The following CCDC80 variants were observed in gnomAD, a reference collection of about 807,000 sequenced individuals.
The protein encoded by CCDC80 is coiled-coil domain containing 80, also known as coiled-coil domain-containing protein 80.
CCDC80 carries 49 observed loss-of-function variants against 78.7 expected under a neutral mutation model. That is an observed-to-expected ratio of 0.62 (90% CI 0.50 to 0.79). The LOEUF (loss-of-function observed/expected upper bound fraction) is 0.79, where lower values mean the gene tolerates loss of function less well. CCDC80 is among the 30% of genes least tolerant of loss of function. The pLI is 0.00. For missense variants in CCDC80, 1,205 were observed against 1,198.6 expected (o/e 1.01, Z -0.08); for synonymous variants, 488 against 447.0 (o/e 1.09, Z -1.16).
intron 2 of CCDC80, among the ~76,000 whole-genome samples, chr3:112,635,408 T>A (rs1936187009): frequency 6.6e-6 from 1 of 152,204 alleles, no homozygotes; most frequent in African/African-American, 2.4e-5. Context: ...CACTAAGCCT[T>A]AATGAATAGT....
At chr3:112,614,666 G>A (rs1935696323) in intron 5 of CCDC80, among the ~76,000 whole-genome samples, 1 of 152,110 alleles carries the variant, frequency 6.6e-6, no homozygotes, top group African/African-American at 2.4e-5. Flanking sequence ...TTTGGATGAA[G>A]GAAGAGCCTT....
At position 112,605,426 on chromosome 3, in the gene CCDC80, G is replaced by T. The variant is rs1476161142; in HGVS notation, c.2844C>A (p.Tyr948Ter). 2.5e-6 allele frequency: 4 copies of T among 1,611,300 alleles called. No homozygotes were observed. In the Admixed American group the frequency reaches 6.7e-5, roughly 27 times the overall value. ...YRHHESYHHG[Y>*]PY The stretch of plus-strand genomic sequence containing the variant: ...GGTTACATATTTCTGCTCAGTAAGG[G>T]TATCCATGGTGATAACTCTCATGAT... Residue 948 changes from tyrosine (Y) to a stop codon, truncating the protein, a stop_gained, in exon 8 of 8, where the codon TAC becomes TAA. Coordinates refer to ENST00000206423, the MANE Select transcript of CCDC80 (RefSeq NM_199511.3). LOFTEE classifies it high-confidence loss of function.
In CCDC80 at chr3:112,602,318, A is replaced by G. The variant is rs948391057; in HGVS notation, c.*3099T>C. 1 of 152,142 alleles carries G rather than the reference A, an allele frequency of 6.6e-6. No homozygotes were observed. The highest frequency in any genetic ancestry group is 1.5e-5 in the Non-Finnish European group (1 of 68,010). The allele number at this position is 152,142 out of a possible 1,614,324, so 9.4% of individuals were successfully genotyped here. A position where few individuals can be genotyped will look rare whatever the true frequency, so the allele number is the denominator to read the frequency against. On this transcript the variant is annotated 3_prime_UTR_variant, in exon 8 of 8. Coordinates refer to ENST00000206423, the MANE Select transcript of CCDC80 (RefSeq NM_199511.3). The stretch of plus-strand genomic sequence containing the variant: ...GCCTCCTTAGTCCCTGAGACACAAT[A>G]TTGAAAGTAGATCAATTAATAACCC...
rs1935403966 is a variant in CCDC80 at position 112,603,116 on chromosome 3, A to G, written c.*2301T>C. 6.6e-6 allele frequency: 1 copy of G among 152,222 alleles called. No individual in the cohort carries two copies. The highest frequency in any genetic ancestry group is 2.4e-5 in the African/African-American group (1 of 41,444). The allele number at this position is 152,222 out of a possible 1,614,324, so 9.4% of individuals were successfully genotyped here. A position where few individuals can be genotyped will look rare whatever the true frequency, so the allele number is the denominator to read the frequency against. On this transcript the variant is annotated 3_prime_UTR_variant, in exon 8 of 8. Transcript: ENST00000206423. Reference sequence around the variant, plus strand: ...GCTAAATCTAATCTGCCTGTGCTCTATAAATGGAGCAACAAAGCCTGAATG... The same window carrying G: ...GCTAAATCTAATCTGCCTGTGCTCTGTAAATGGAGCAACAAAGCCTGAATG...
Position 112,639,434 on chromosome 3 carries a change from G to A in CCDC80, c.472C>T (p.His158Tyr), listed in dbSNP as rs569959733. The A allele has an allele frequency of 6.2e-7, 1 of 1,614,046 alleles. No homozygotes were observed. The highest frequency in any genetic ancestry group is 1.3e-5 in the African/African-American group (1 of 74,904). Residue 158 changes from histidine to tyrosine, a missense_variant, in exon 2 of 8, where the codon CAT (histidine) becomes TAT (tyrosine). Physicochemically the swap from His to Tyr is moderately conservative, Grantham distance 83. Coordinates refer to ENST00000206423, the MANE Select transcript of CCDC80 (RefSeq NM_199511.3). ...AGGCGGTAGTAGCCTTCCGAGGCAT[G>A]AGGGGCTGAGATGACCCATACTCTG... ...KNRVWVISAP[H>Y]ASEGYYRLMM...
At chr3:112,629,458 G>A (rs191731720) in intron 3 of CCDC80, among the ~76,000 whole-genome samples, 4 of 152,218 alleles carry the variant, frequency 2.6e-5, no homozygotes, top group South Asian at 4.1e-4. Context: ...ATCTTGCAAC[G>A]TTCCCAGGAG....
At position 112,638,941 on chromosome 3, in the gene CCDC80, G is replaced by A. The variant is rs985710918; in HGVS notation, c.965C>T (p.Pro322Leu). Reference sequence around the variant, plus strand: ...GACCTTCACCCGACTCTCTCTGGTTGGTGGGACTTGTGCTCTCCTTGGGTC... The same window carrying A: ...GACCTTCACCCGACTCTCTCTGGTTAGTGGGACTTGTGCTCTCCTTGGGTC... The part of the protein sequence containing the change: ...KEDPRRAQVP[P>L]TRESRVKVLR... Residue 322 changes from proline to leucine, a missense_variant, in exon 2 of 8, where the codon CCA becomes CTA. By Grantham distance (98) the Pro-to-Leu change is moderately conservative. Coordinates refer to ENST00000206423, the MANE Select transcript of CCDC80 (RefSeq NM_199511.3). The A allele has an allele frequency of 1.2e-6, 2 of 1,613,146 alleles. No individual in the cohort carries two copies. Among genetic ancestry groups the A allele is most frequent in the South Asian group, 2.2e-5 (2 of 91,080 alleles).
intron 5 of CCDC80, among the ~76,000 whole-genome samples, chr3:112,611,934 G>A (rs931720729): frequency 1.3e-5 from 2 of 152,062 alleles, no homozygotes; most frequent in African/African-American, 4.8e-5. Context: ...AGTGGTTTGG[G>A]TGAATAAGAG....
rs753428476 is a variant in CCDC80, at chr3:112,639,291, G to A, written c.615C>T (p.Ser205=). ...EEGGKVRRIT[S]EGQILEQPLD... is the part of the protein sequence containing the mutation. ...GGGGCTGCTCCAGGATCTGGCCCTC[G>A]CTGGTGATCCTTCTCACCTTGCCTC... The change falls in exon 2 of 8, where the codon AGC becomes AGT. Residue 205 remains serine, a synonymous_variant. Transcript: ENST00000206423. The A allele has an allele frequency of 6.2e-7, 1 of 1,614,042 alleles. No individual in the cohort carries two copies. Among genetic ancestry groups the A allele is most frequent in the Admixed American group, 1.7e-5 (1 of 60,000 alleles).
At chr3:112,618,420 G>A (rs558975179) in intron 4 of CCDC80, among the ~76,000 whole-genome samples, 2 of 152,064 alleles carry the variant, frequency 1.3e-5, no homozygotes, top group Non-Finnish European at 2.9e-5. Flanking sequence ...CCAGCTACTC[G>A]GGAGGATGAG....
In CCDC80 at chr3:112,598,760, C is replaced by A. The variant is rs1343913098; in HGVS notation, c.*6657G>T. On this transcript the variant is annotated 3_prime_UTR_variant, in exon 8 of 8. Transcript: ENST00000206423. ...AAATATGTCCCTTATTAGAGGGCCT[C>A]TTTAGATGTTTAGGGTACTCACAAT... 6.6e-6 allele frequency: 1 copy of A among 152,120 alleles called. No individual in the cohort carries two copies. Among genetic ancestry groups the A allele is most frequent in the Non-Finnish European group, 1.5e-5 (1 of 68,036 alleles). 9.4% of individuals were successfully genotyped at this position (152,120 alleles called of 1,614,324 possible). A position where few individuals can be genotyped will look rare whatever the true frequency, so the allele number is the denominator to read the frequency against.
intron 6 of CCDC80, 85 bp from the exon 7 acceptor site, chr3:112,607,341 A>T: frequency 5.4e-6 from 5 of 921,780 alleles, no homozygotes. Context: ...TGACAATTAA[A>T]AATCTCTTAA....
Position 112,605,539 on chromosome 3 carries a change from TC to T in CCDC80, c.2730del (p.Met911CysfsTer57). 1.2e-6 allele frequency: 2 copies of T among 1,614,178 alleles called. No individual in the cohort carries two copies. Among genetic ancestry groups the T allele is most frequent in the Non-Finnish European group, 8.5e-7 (1 of 1,180,040 alleles). ...RQEMAIQQSLGMRCPEDEYAG... is the reference protein window; with the variant it reads ...RQEMAIQQSLXMRCPEDEYAG... ...GCATACTCATCTTCTGGGCAGCGCATCCCCAGTGACTGCTGAATCGCCATTT... is the reference window on the plus strand; with the variant it reads ...GCATACTCATCTTCTGGGCAGCGCATCCCAGTGACTGCTGAATCGCCATTT... On this transcript the variant is annotated frameshift_variant, in exon 8 of 8. Transcript: ENST00000206423. LOFTEE classifies it high-confidence loss of function.
chr3:112,616,806 G>C lies in CCDC80; in HGVS notation c.2225C>G (p.Thr742Ser). 1 of 1,614,146 alleles carries C rather than the reference G, an allele frequency of 6.2e-7. No homozygotes were observed. ...TMKSVFDLID[T>S]FQSRIKDMEK... is the part of the protein sequence containing the mutation. ...CATATCTTTGATTCGGGACTGGAAA[G>C]TATCGATCAGATCAAACACAGACTT... Residue 742 changes from threonine to serine, a missense_variant, in exon 5 of 8, where the codon ACT (threonine) becomes AGT (serine). Thr to Ser is a moderately conservative substitution (Grantham distance 58). Transcript: ENST00000206423.
At chr3:112,616,209 G>A (rs1169472912) in intron 5 of CCDC80, among the ~76,000 whole-genome samples, 1 of 152,080 alleles carries the variant, frequency 6.6e-6, no homozygotes. Context: ...TGGGTCAAGA[G>A]GATTTCTCCT....
chr3:112,612,808 C>T (rs1471620582), intron 5 of CCDC80, among the ~76,000 whole-genome samples: 1 of 151,698 alleles, frequency 6.6e-6, no homozygotes, highest in African/African-American at 2.4e-5. Flanking sequence ...CCATCAACCA[C>T]TCAGCAAATT....
chr3:112,619,465 C>T (rs566256236), intron 3 of CCDC80, among the ~76,000 whole-genome samples: 2 of 152,056 alleles, frequency 1.3e-5, no homozygotes, highest in Non-Finnish European at 1.5e-5. Flanking sequence ...GGAACTGGAC[C>T]GACCCAGACA....
At position 112,604,980 on chromosome 3, in the gene CCDC80, GTATT is replaced by G. The variant is rs954640410; in HGVS notation, c.*433_*436del. 2 of 152,848 alleles carry G rather than the reference GTATT, an allele frequency of 1.3e-5. No homozygotes were observed. Among genetic ancestry groups the G allele is most frequent in the African/African-American group, 2.4e-5 (1 of 41,474 alleles). The allele number at this position is 152,848 out of a possible 1,614,324, so 9.5% of individuals were successfully genotyped here. On this transcript the variant is annotated 3_prime_UTR_variant, in exon 8 of 8. Coordinates refer to ENST00000206423, the MANE Select transcript of CCDC80 (RefSeq NM_199511.3). ...TTTCAAAAAGTGTCAATTTAAGTAAGTATTATAAGTTATTTGTTCTTTGTTTTAT... is the reference window on the plus strand; with the variant it reads ...TTTCAAAAAGTGTCAATTTAAGTAAGATAAGTTATTTGTTCTTTGTTTTAT...
chr3:112,636,339 G>A (rs181364237), intron 2 of CCDC80, among the ~76,000 whole-genome samples: 8 of 151,624 alleles, frequency 5.3e-5, no homozygotes, highest in South Asian at 2.1e-4. Flanking sequence ...ATATCCAAGC[G>A]ACCTGATAAC....
Sources: allele counts gnomAD v4.1 joint callset (sites outside exome capture counted in the v4.1 genomes callset), GRCh38; gene constraint gnomAD v4.1.1; transcripts MANE v1.5; gene names NCBI Gene and HGNC (gene_info 2026-07-23, HGNC 2026-07-21).